MKRN2OS: variants seen among roughly 807,000 people sequenced by gnomAD.
MKRN2OS encodes the protein MKRN2 opposite strand protein.
In MKRN2OS, 17 loss-of-function variants were observed where a neutral mutation model predicts 18.2. That is an observed-to-expected ratio of 0.93 (90% CI 0.64 to 1.40). MKRN2OS has a LOEUF of 1.40. Among genes scored for constraint, MKRN2OS ranks in the 40% most tolerant of loss-of-function variants. MKRN2OS has a pLI of 0.00. For missense variants in MKRN2OS, 337 were observed against 283.0 expected (o/e 1.19, Z -1.37); for synonymous variants, 121 against 108.5 (o/e 1.12, Z -0.72).
downstream of MKRN2OS, among the ~76,000 whole-genome samples, chr3:12,551,942 AG>A (rs1212360804): frequency 1.3e-5 from 2 of 152,062 alleles, no homozygotes; most frequent in African/African-American, 2.4e-5. Context: ...ACTCTGTCTC[AG>A]AAAAAAGAAA....
chr3:12,554,023 A>G (rs573574703), exon 2 of MKRN2OS: 1 of 152,354 alleles, frequency 6.6e-6, no homozygotes, highest in South Asian at 2.1e-4. Context: ...CCAGATGGCC[A>G]TTTTGAGTCC....
rs1324121012 is a variant in MKRN2OS, at chr3:12,541,798, C to A, written c.431+62G>T. 10 of 1,484,812 alleles carry A rather than the reference C, an allele frequency of 6.7e-6. No individual in the cohort carries two copies. In the African/African-American group the frequency reaches 1.2e-4, roughly 19 times the overall value. The allele number at this position is 1,484,812 out of a possible 1,614,324, so 92.0% of individuals were successfully genotyped here. On this transcript the variant is annotated intron_variant, in intron 3 of 3. Coordinates refer to ENST00000564146, the MANE Select transcript of MKRN2OS (RefSeq NM_001195279.2). ...GAGTCCTCTGTGAGCTGAGGCTACA[C>A]GGGGATCCCACTTGCATAGCATGTG... is the stretch of plus-strand genomic sequence containing the variant.
At chr3:12,548,457 A>AAC, upstream of MKRN2OS, among the ~76,000 whole-genome samples, 1 of 136,384 alleles carries the variant, frequency 7.3e-6, no homozygotes, top group South Asian at 2.8e-4. Flanking sequence ...CAAAAAAAAA[A>AAC]AAAAAAAAAA....
chr3:12,540,326 T>G lies in MKRN2OS; in HGVS notation c.539A>C (p.Lys180Thr). ...QQLDKGEFTE[K>T]YVVPRTRLAS... ...CAGCCTTGTCCGCGGGACCACGTAC[T>G]TCTCCGTAAATTCACCCTTGTCCAG... The change falls in exon 4 of 4, where the codon AAG becomes ACG. Residue 180 changes from lysine (K) to threonine (T), a missense_variant. Transcript: ENST00000564146. The G allele has an allele frequency of 3.3e-6, 5 of 1,536,090 alleles. No individual in the cohort carries two copies. Among genetic ancestry groups the G allele is most frequent in the Non-Finnish European group, 4.4e-6 (5 of 1,146,906 alleles).
In MKRN2OS at chr3:12,555,388, CA is replaced by C. The variant is rs535087858; in HGVS notation, n.265-1255del. Among the ~76,000 whole-genome samples the C allele has an allele frequency of 1.2e-3, 182 of 150,754 alleles. 2 individuals are homozygous for C. The highest frequency in any genetic ancestry group is 6.2e-4 in the Non-Finnish European group (42 of 67,852). The stretch of plus-strand genomic sequence containing the variant: ...ATCAAATGTGTTATGAGTTAAAATG[CA>C]ATATTCAAGACACTGAAAACAAAAT... On this transcript the variant is annotated intron_variant and non_coding_transcript_variant, in intron 1 of 1. Coordinates refer to the MKRN2OS transcript ENST00000447550.
upstream of MKRN2OS, among the ~76,000 whole-genome samples, chr3:12,548,464 AAAAAAAAAAAAAAAAAAAC>A (rs1427302146): frequency 1.0e-4 from 11 of 104,950 alleles, no homozygotes; most frequent in East Asian, 6.5e-4. Flanking sequence ...AAAAAAAAAA[AAAAAAAAAAAAAAAAAAAC>A]CAGCCGAGCG....
rs978595711 is a variant in MKRN2OS, at chr3:12,539,958, T to C, written c.*235A>G. The C allele has an allele frequency of 2.0e-6, 1 of 492,090 alleles. No individual in the cohort carries two copies. The highest frequency in any genetic ancestry group is 1.9e-5 in the African/African-American group (1 of 51,404). 30.5% of individuals were successfully genotyped at this position (492,090 alleles called of 1,614,324 possible). A position where few individuals can be genotyped will look rare whatever the true frequency, so the allele number is the denominator to read the frequency against. ...GCGCCACCATGCCCAGCTAATTTTA[T>C]ATTTTTAGTAAGGACGGGGTTTCTC... On this transcript the variant is annotated 3_prime_UTR_variant, in exon 4 of 4. Coordinates refer to ENST00000564146, the MANE Select transcript of MKRN2OS (RefSeq NM_001195279.2).
At chr3:12,553,370 TCAGTATAATTCAATACATTAC>T (rs1236858839), downstream of MKRN2OS, among the ~76,000 whole-genome samples, 10 of 151,874 alleles carry the variant, frequency 6.6e-5, no homozygotes, top group African/African-American at 2.4e-4. Flanking sequence ...TAAAAATCAA[TCAGTATAATTCAATACATTAC>T]CAGTATAAAA....
chr3:12,542,783 G>T (rs767713617), intron 2 of MKRN2OS, among the ~76,000 whole-genome samples: 21 of 151,160 alleles, frequency 1.4e-4, no homozygotes, highest in Non-Finnish European at 3.1e-4. Context: ...TCCCTAGAAT[G>T]TGGGGACCCA....
intron 1 of MKRN2OS, among the ~76,000 whole-genome samples, chr3:12,559,001 C>T (rs1282128909): frequency 6.6e-6 from 1 of 152,162 alleles, no homozygotes; most frequent in Non-Finnish European, 1.5e-5. Flanking sequence ...TTCATGCCCT[C>T]ATAGACTGTA....
downstream of MKRN2OS, among the ~76,000 whole-genome samples, chr3:12,553,393 A>G (rs2057943653): frequency 6.6e-6 from 1 of 152,148 alleles, no homozygotes; most frequent in Non-Finnish European, 1.5e-5. Flanking sequence ...ATACATTACC[A>G]GTATAAAAGG....
At chr3:12,550,557 T>A (rs572453471), downstream of MKRN2OS, among the ~76,000 whole-genome samples, 6 of 152,280 alleles carry the variant, frequency 3.9e-5, no homozygotes, top group South Asian at 2.1e-4. Context: ...TACAAAAAAA[T>A]TTTTAAAACC....
Position 12,541,939 on chromosome 3 carries a change from G to C in MKRN2OS, c.352C>G (p.Pro118Ala). The change falls in exon 3 of 4, where the codon CCC (proline) becomes GCC (alanine). Residue 118 changes from proline to alanine, a missense_variant. Transcript: ENST00000564146. ...EESISIPLLQ[P>A]NMYGMMEQWD... is the part of the protein sequence containing the mutation. Reference sequence around the variant, plus strand: ...TGCTCCATCATTCCATACATGTTGGGCTGCAGTAATGGGATGCTTATGCTC... The same window carrying C: ...TGCTCCATCATTCCATACATGTTGGCCTGCAGTAATGGGATGCTTATGCTC... 1 of 1,535,996 alleles carries C rather than the reference G, an allele frequency of 6.5e-7. No homozygotes were observed.
intron 1 of MKRN2OS, among the ~76,000 whole-genome samples, chr3:12,555,765 T>C (rs1343683647): frequency 3.3e-5 from 5 of 152,176 alleles, no homozygotes; most frequent in African/African-American, 1.2e-4. Context: ...ACCCACCCCC[T>C]GCAGCCTCGA....
chr3:12,543,244 G>T lies in MKRN2OS; in HGVS notation c.219-15C>A. 7 of 1,522,372 alleles carry T rather than the reference G, an allele frequency of 4.6e-6. No individual in the cohort carries two copies. Among genetic ancestry groups the T allele is most frequent in the South Asian group, 1.2e-5 (1 of 82,760 alleles). 94.3% of individuals were successfully genotyped at this position (1,522,372 alleles called of 1,614,324 possible). On this transcript the variant is annotated splice_polypyrimidine_tract_variant and intron_variant, in intron 1 of 3. Transcript: ENST00000564146. ...CATCATACTCTCTGAAAGAAACAAG[G>T]TTTGTTTTTTTTTGGTTTGCATGTA...
downstream of MKRN2OS, among the ~76,000 whole-genome samples, chr3:12,552,019 C>T (rs1388214796): frequency 1.3e-5 from 2 of 151,026 alleles, no homozygotes; most frequent in Non-Finnish European, 3.0e-5. Flanking sequence ...CTAAATGCTC[C>T]GATACAAAAA....
At chr3:12,547,074 C>T (rs1559382212), upstream of MKRN2OS, among the ~76,000 whole-genome samples, 1 of 151,992 alleles carries the variant, frequency 6.6e-6, no homozygotes, top group African/African-American at 2.4e-5. Context: ...TCCCACTGTG[C>T]TCTAGCCTGG....
chr3:12,543,260 T>A (rs946084693), intron 1 of MKRN2OS, 31 bp from the exon 2 acceptor site: 24 of 1,488,520 alleles, frequency 1.6e-5, no homozygotes, highest in Non-Finnish European at 2.2e-5. Context: ...TTTTTTTTGG[T>A]TTGCATGTAT....
At chr3:12,549,549 GTTTTA>G (rs1020466858), upstream of MKRN2OS, among the ~76,000 whole-genome samples, 1 of 150,444 alleles carries the variant, frequency 6.6e-6, no homozygotes, top group South Asian at 2.1e-4. Flanking sequence ...AGCCTGTTTT[GTTTTA>G]TTTTATTTTT....
Sources: allele counts gnomAD v4.1 joint callset (sites outside exome capture counted in the v4.1 genomes callset), GRCh38; gene constraint gnomAD v4.1.1; transcripts MANE v1.5; gene names NCBI Gene and HGNC (gene_info 2026-07-23, HGNC 2026-07-21).